PDE11A: variants seen among roughly 807,000 people sequenced by gnomAD.
PDE11A encodes the protein phosphodiesterase 11A.
PDE11A carries 100 observed loss-of-function variants against 100.5 expected under a neutral mutation model. That is an observed-to-expected ratio of 1.00 (90% CI 0.85 to 1.18). PDE11A has a LOEUF of 1.18. Ranked by LOEUF, PDE11A falls within the 50% of genes most tolerant of loss-of-function variation. The pLI, the probability that PDE11A is intolerant of heterozygous loss-of-function variation, is 0.00. For synonymous variants in PDE11A, 381 were observed against 420.8 expected (o/e 0.91, Z 1.16); for missense variants, 1,141 against 1,152.6 (o/e 0.99, Z 0.15).
At chr2:177,732,167 C>A (rs973776676) in intron 10 of PDE11A, among the ~76,000 whole-genome samples, 1 of 148,214 alleles carries the variant, frequency 6.7e-6, no homozygotes, top group Non-Finnish European at 1.5e-5. Context: ...TTATTCTGCG[C>A]CCCTGTGGGT....
At chr2:177,818,571 A>G (rs973809281) in intron 7 of PDE11A, among the ~76,000 whole-genome samples, 4 of 152,194 alleles carry the variant, frequency 2.6e-5, no homozygotes, top group Non-Finnish European at 5.9e-5. Context: ...TAAAGCATTT[A>G]GCATATTGCT....
chr2:177,845,128 C>T (rs2083561229), intron 5 of PDE11A, among the ~76,000 whole-genome samples: 1 of 151,984 alleles, frequency 6.6e-6, no homozygotes, highest in Non-Finnish European at 1.5e-5. Flanking sequence ...GGCAGAGGCG[C>T]TCCTCACCTC....
chr2:177,634,455 C>T lies in PDE11A; in HGVS notation c.2647-4893G>A, dbSNP rs1265676986. On this transcript the variant is annotated intron_variant, in intron 19 of 19. Coordinates refer to ENST00000286063, the MANE Select transcript of PDE11A (RefSeq NM_016953.4). ...CCAGGCTGGAGTGCAGTGGGGCGAT[C>T]TCGGCTCACTCCAAGCTCCGCCTCC... Among the ~76,000 whole-genome samples, 3 of 148,418 alleles carry T rather than the reference C, an allele frequency of 2.0e-5. No homozygotes were observed. In the East Asian group the frequency reaches 5.9e-4, roughly 29 times the overall value.
intron 1 of PDE11A, among the ~76,000 whole-genome samples, chr2:178,055,541 T>C (rs1262721141): frequency 6.6e-6 from 1 of 152,122 alleles, no homozygotes; most frequent in Non-Finnish European, 1.5e-5. Context: ...CTCAAAGTCA[T>C]ATTCAAATAT....
intron 1 of PDE11A, among the ~76,000 whole-genome samples, chr2:178,022,579 C>A (rs551735631): frequency 6.6e-5 from 10 of 152,016 alleles, no homozygotes; most frequent in Non-Finnish European, 1.5e-4. Context: ...AGCCCAGGAT[C>A]TTCAGAAGGT....
At chr2:177,699,218 T>A (rs1177375436) in intron 14 of PDE11A, among the ~76,000 whole-genome samples, 1 of 152,244 alleles carries the variant, frequency 6.6e-6, no homozygotes, top group Non-Finnish European at 1.5e-5. Context: ...CTATTGCTTC[T>A]AGGCTATACA....
rs540301997 is a variant in PDE11A, at chr2:177,636,925, A to G, written c.2647-7363T>C. Reference sequence around the variant, plus strand: ...CTTCAATGAACTCAGCTTCCCCTCAAATAGAAGGAGGAATAAAAGTAACTA... The same window carrying G: ...CTTCAATGAACTCAGCTTCCCCTCAGATAGAAGGAGGAATAAAAGTAACTA... On this transcript the variant is annotated intron_variant, in intron 19 of 19. Transcript: ENST00000286063. Among the ~76,000 whole-genome samples, 4 of 152,264 alleles carry G rather than the reference A, an allele frequency of 2.6e-5. No individual in the cohort carries two copies. The East Asian group carries it at 5.8e-4, about 22-fold the overall frequency.
intron 16 of PDE11A, among the ~76,000 whole-genome samples, chr2:177,678,920 G>A (rs1249044238): frequency 6.6e-6 from 1 of 151,766 alleles, no homozygotes; most frequent in Non-Finnish European, 1.5e-5. Flanking sequence ...GAAGGATGCT[G>A]AGGAAAAAGA....
At chr2:177,799,207 G>C (rs1020510616) in intron 9 of PDE11A, among the ~76,000 whole-genome samples, 2 of 152,168 alleles carry the variant, frequency 1.3e-5, no homozygotes, top group Non-Finnish European at 2.9e-5. Flanking sequence ...CAGCCAGGGA[G>C]AGTCTAAGGA....
intron 6 of PDE11A, among the ~76,000 whole-genome samples, chr2:177,820,574 A>C (rs1217996616): frequency 1.3e-5 from 2 of 151,888 alleles, no homozygotes; most frequent in Non-Finnish European, 2.9e-5. Flanking sequence ...GCTGGACATA[A>C]AACTATCTTG....
At chr2:177,775,681 C>A (rs549664813) in intron 9 of PDE11A, among the ~76,000 whole-genome samples, 1 of 152,310 alleles carries the variant, frequency 6.6e-6, no homozygotes, top group Non-Finnish European at 1.5e-5. Context: ...ACACCAAGCG[C>A]TTTTCTACCT....
At chr2:177,700,777 G>A (rs745745908) in intron 14 of PDE11A, among the ~76,000 whole-genome samples, 24 of 152,146 alleles carry the variant, frequency 1.6e-4, no homozygotes, top group African/African-American at 4.6e-4. Context: ...ATGTTGGGCC[G>A]CTCATTATTT....
intron 9 of PDE11A, among the ~76,000 whole-genome samples, chr2:177,790,777 C>T (rs1219576435): frequency 6.6e-6 from 1 of 152,160 alleles, no homozygotes. Flanking sequence ...CCAAAAGACG[C>T]ATGAAAAAAT....
At chr2:178,026,087 G>A (rs1574350444) in intron 1 of PDE11A, among the ~76,000 whole-genome samples, 1 of 151,878 alleles carries the variant, frequency 6.6e-6, no homozygotes, top group African/African-American at 2.4e-5. Context: ...TGGAGACTTG[G>A]TCTCACCCAT....
intron 2 of PDE11A, among the ~76,000 whole-genome samples, chr2:177,929,630 T>C (rs1040194374): frequency 6.6e-6 from 1 of 152,202 alleles, no homozygotes; most frequent in Non-Finnish European, 1.5e-5. Context: ...GGGTTTCTTT[T>C]ACAGTTAATC....
chr2:178,059,925 T>C (rs902311554), intron 1 of PDE11A, among the ~76,000 whole-genome samples: 2 of 152,202 alleles, frequency 1.3e-5, no homozygotes, highest in Non-Finnish European at 2.9e-5. Flanking sequence ...CTGGGTCAGG[T>C]TGAAGCTACA....
intron 9 of PDE11A, among the ~76,000 whole-genome samples, chr2:177,803,211 T>A (rs2082818439): frequency 6.6e-6 from 1 of 151,638 alleles, no homozygotes; most frequent in South Asian, 2.1e-4. Flanking sequence ...AAATAATAGA[T>A]ATAAAGCAAA....
chr2:177,790,283 T>C (rs2082610677), intron 9 of PDE11A, among the ~76,000 whole-genome samples: 1 of 151,116 alleles, frequency 6.6e-6, no homozygotes, highest in African/African-American at 2.4e-5. Flanking sequence ...AAACAAGCAA[T>C]GGGGAAAGGA....
chr2:177,926,902 C>G (rs1166726881), intron 2 of PDE11A: 1 of 152,140 alleles, frequency 6.6e-6, no homozygotes, highest in Non-Finnish European at 1.5e-5. Context: ...ATTACCTGCA[C>G]CATGAGAAAA....
Sources: gnomAD v4.1 joint callset for allele counts (sites outside exome capture counted in the v4.1 genomes callset) on GRCh38, gnomAD v4.1.1 for gene constraint, MANE v1.5 for transcripts, NCBI Gene and HGNC (gene_info 2026-07-23, HGNC 2026-07-21) for gene names.